Variants in LPP observed in about 807,000 individuals in gnomAD.
LPP encodes LIM domain containing preferred translocation partner in lipoma, also known as lipoma-preferred partner.
A neutral mutation model predicts 60.4 loss-of-function variants in LPP; 38 were observed. That is an observed-to-expected ratio of 0.63 (90% CI 0.49 to 0.83). LPP has a LOEUF of 0.83. LPP is among the 40% of genes least tolerant of loss of function. The pLI, the probability that LPP is intolerant of heterozygous loss-of-function variation, is 0.00. For missense variants in LPP, 902 were observed against 783.6 expected (o/e 1.15, Z -1.80); for synonymous variants, 328 against 290.8 (o/e 1.13, Z -1.30).
rs1161930717 is a variant in LPP, at chr3:188,876,899, T to C, written c.*2420T>C. ...TCACAGACCCATCCCTGTGGCATCG[T>C]CAGCAGAATACTGCTTGCTTACAAT... is the stretch of plus-strand genomic sequence containing the variant. On this transcript the variant is annotated 3_prime_UTR_variant, in exon 12 of 12. Transcript: ENST00000617246. The C allele has an allele frequency of 5.5e-6, 1 of 182,274 alleles. No individual in the cohort carries two copies. The highest frequency in any genetic ancestry group is 1.2e-5 in the Non-Finnish European group (1 of 85,312). The allele number at this position is 182,274 out of a possible 1,614,324, so 11.3% of individuals were successfully genotyped here.
In LPP at chr3:188,602,821, A is replaced by G. The variant is rs113153818; in HGVS notation, c.430-6340A>G. Among the ~76,000 whole-genome samples, 439 of 151,078 alleles carry G rather than the reference A, an allele frequency of 2.9e-3. 2 individuals are homozygous for G. The highest frequency in any genetic ancestry group is 0.014 in the South Asian group (66 of 4,766). ...CTAGAGAAGTCACGTGACTTTCCCA[A>G]TGTCACTAAATTCTAAACAGTGGTA... On this transcript the variant is annotated intron_variant, in intron 6 of 11. Coordinates refer to ENST00000617246, the MANE Select transcript of LPP (RefSeq NM_001375462.1).
In LPP at chr3:188,696,450, C is replaced by T. The variant is rs549133614; in HGVS notation, c.1114-11817C>T. ...GAGTTAGAGACCAGCCTGGGCAACA[C>T]GGTGAAACCCTGTCTCTACTCAAAA... On this transcript the variant is annotated intron_variant, in intron 7 of 11. Transcript: ENST00000617246. Among the ~76,000 whole-genome samples, 8 of 151,912 alleles carry T rather than the reference C, an allele frequency of 5.3e-5. No homozygotes were observed. In the South Asian group the frequency reaches 1.2e-3, roughly 24 times the overall value.
At chr3:188,419,641 C>G (rs547510141) in intron 4 of LPP, among the ~76,000 whole-genome samples, 1 of 152,294 alleles carries the variant, frequency 6.6e-6, no homozygotes, top group South Asian at 2.1e-4. Context: ...GCCTGTAATC[C>G]CAGCACTTTG....
intron 7 of LPP, among the ~76,000 whole-genome samples, chr3:188,642,813 G>A (rs918823417): frequency 6.6e-6 from 1 of 152,094 alleles, no homozygotes; most frequent in African/African-American, 2.4e-5. Context: ...GCACATGCCT[G>A]TAATCCCAGC....
intron 1 of LPP, among the ~76,000 whole-genome samples, chr3:188,170,058 G>A (rs1217412892): frequency 6.6e-6 from 1 of 152,166 alleles, no homozygotes; most frequent in Non-Finnish European, 1.5e-5. Flanking sequence ...ATTCTGACAT[G>A]GCTGATTTGG....
At chr3:188,185,943 G>A (rs986661312) in intron 1 of LPP, among the ~76,000 whole-genome samples, 10 of 152,164 alleles carry the variant, frequency 6.6e-5, no homozygotes, top group Admixed American at 1.3e-4. Flanking sequence ...AAAAAGAAGC[G>A]ATCAGGCTGA....
intron 4 of LPP, among the ~76,000 whole-genome samples, chr3:188,476,037 T>A (rs1273582556): frequency 6.6e-6 from 1 of 152,194 alleles, no homozygotes; most frequent in Non-Finnish European, 1.5e-5. Flanking sequence ...TTTTCATTTT[T>A]TTTTCTTTAA....
chr3:188,806,777 T>C (rs1749276433), intron 9 of LPP, among the ~76,000 whole-genome samples: 1 of 151,944 alleles, frequency 6.6e-6, no homozygotes, highest in African/African-American at 2.4e-5. Context: ...ATTATATCAC[T>C]GTCTGAGTAG....
chr3:188,669,027 G>A lies in LPP; in HGVS notation c.1114-39240G>A, dbSNP rs531182292. ...TAGGAGACCTGTCAAAGACAAGCAC[G>A]GGCTCATCAAAATCTTAAACTTGTG... On this transcript the variant is annotated intron_variant, in intron 7 of 11. Transcript: ENST00000617246. 1.2e-3 allele frequency among the ~76,000 whole-genome samples: 177 copies of A among 152,048 alleles called. 2 individuals carry two copies. In the Middle Eastern group the frequency reaches 0.031, roughly 26 times the overall value.
chr3:188,569,985 G>A (rs1833136747), intron 6 of LPP, among the ~76,000 whole-genome samples: 1 of 149,666 alleles, frequency 6.7e-6, no homozygotes, highest in South Asian at 2.1e-4. Flanking sequence ...TACTTTAGTG[G>A]TAGTCAGTTT....
chr3:188,504,024 G>T (rs1812737753), intron 5 of LPP, among the ~76,000 whole-genome samples: 1 of 152,062 alleles, frequency 6.6e-6, no homozygotes. Flanking sequence ...TTCAAGTATT[G>T]TCCCTGCCTT....
intron 4 of LPP, among the ~76,000 whole-genome samples, chr3:188,413,406 G>GC (rs1448600555): frequency 6.6e-6 from 1 of 152,146 alleles, no homozygotes; most frequent in Non-Finnish European, 1.5e-5. Context: ...AGAGACTGCA[G>GC]TTGTAACATC....
intron 9 of LPP, among the ~76,000 whole-genome samples, chr3:188,846,260 C>T (rs1226198494): frequency 1.3e-5 from 2 of 152,144 alleles, no homozygotes; most frequent in African/African-American, 2.4e-5. Flanking sequence ...ATTAGTTCTG[C>T]CAGAGAAGGA....
In LPP at chr3:188,880,611, AC is replaced by A. The variant is rs2152079687; in HGVS notation, c.*6135del. On this transcript the variant is annotated 3_prime_UTR_variant, in exon 12 of 12. Coordinates refer to ENST00000617246, the MANE Select transcript of LPP (RefSeq NM_001375462.1). ...GTGGCATTGTTAATTTTTCCTAGATACCCATCCACTTAAGGGCCAGAGAAAT... is the reference window on the plus strand; with the variant it reads ...GTGGCATTGTTAATTTTTCCTAGATACCATCCACTTAAGGGCCAGAGAAAT... 5.3e-6 allele frequency: 1 copy of A among 189,066 alleles called. No individual in the cohort carries two copies. Among genetic ancestry groups the A allele is most frequent in the Admixed American group, 6.2e-5 (1 of 16,210 alleles). 11.7% of individuals were successfully genotyped at this position (189,066 alleles called of 1,614,324 possible).
chr3:188,386,942 G>C (rs1211598894), intron 3 of LPP, among the ~76,000 whole-genome samples: 3 of 152,034 alleles, frequency 2.0e-5, no homozygotes, highest in Admixed American at 2.0e-4. Flanking sequence ...GAAAAATAAG[G>C]ATACAAAATG....
chr3:188,680,663 T>C (rs932268574), intron 7 of LPP, among the ~76,000 whole-genome samples: 5 of 152,306 alleles, frequency 3.3e-5, no homozygotes, highest in Middle Eastern at 3.4e-3. Flanking sequence ...TCAGCTTTCT[T>C]AAAAGCCTAT....
chr3:188,502,072 T>G (rs550177836), intron 5 of LPP, among the ~76,000 whole-genome samples: 2 of 152,310 alleles, frequency 1.3e-5, no homozygotes, highest in Non-Finnish European at 2.9e-5. Context: ...CTTATTTAGT[T>G]TATGGGCTTA....
intron 9 of LPP, among the ~76,000 whole-genome samples, chr3:188,858,811 C>T (rs113599828): frequency 2.1e-4 from 32 of 152,046 alleles, no homozygotes; most frequent in African/African-American, 7.2e-4. Context: ...GATGTTCGGC[C>T]GGGCGTGGTG....
chr3:188,294,433 A>G (rs1444066148), intron 2 of LPP, among the ~76,000 whole-genome samples: 1 of 152,200 alleles, frequency 6.6e-6, no homozygotes, highest in Non-Finnish European at 1.5e-5. Context: ...GCATAGTGCC[A>G]AGTTTTAAAC....
Sources: allele counts gnomAD v4.1 joint callset (sites outside exome capture counted in the v4.1 genomes callset), GRCh38; gene constraint gnomAD v4.1.1; transcripts MANE v1.5; gene names NCBI Gene and HGNC (gene_info 2026-07-23, HGNC 2026-07-21).